The following AP3D1 variants were observed in gnomAD, a reference collection of about 807,000 sequenced individuals.
AP3D1 encodes AP-3 complex subunit delta-1.
In AP3D1, 51 loss-of-function variants were observed where a neutral mutation model predicts 147.6. That is an observed-to-expected ratio of 0.35 (90% CI 0.28 to 0.44). AP3D1 has a LOEUF of 0.44. Ranked by LOEUF, AP3D1 falls within the 20% of genes least tolerant of loss-of-function variation. The probability of loss-of-function intolerance (pLI) is 1.00; values close to 1 mark genes in which losing one functional copy is unlikely to be tolerated. For missense variants in AP3D1, 1,421 were observed against 1,624.2 expected, an observed-to-expected ratio of 0.87 and a Z score of 2.15; for synonymous variants, 760 against 663.0, an observed-to-expected ratio of 1.15 and a Z score of -2.25.
Position 2,114,466 on chromosome 19 carries a change from C to A in AP3D1, c.2424-164G>T, listed in dbSNP as rs11673600. The stretch of plus-strand genomic sequence containing the variant: ...TCTACTCAACACAGCCTGCTGGAGG[C>A]TCTCATGGGAGGGTCTGTGGTGGCC... On this transcript the variant is annotated intron_variant, in intron 21 of 31. Transcript: ENST00000643116. Among the ~76,000 whole-genome samples, 19,044 of 152,208 alleles carry A rather than the reference C, an allele frequency of 0.13. 1,317 individuals are homozygous for A. The highest frequency in any genetic ancestry group is 0.16 in the Non-Finnish European group (10,751 of 68,004).
intron 27 of AP3D1, among the ~76,000 whole-genome samples, 166 bp downstream of exon 27, chr19:2,110,541 C>CAG (rs1555700320): frequency 4.0e-5 from 6 of 149,638 alleles, no homozygotes; most frequent in Non-Finnish European, 7.4e-5. Context: ...TTGCGCTTCT[C>CAG]AGAGAGCTGT....
intron 9 of AP3D1, among the ~76,000 whole-genome samples, chr19:2,126,440 G>C (rs2018756906): frequency 6.6e-6 from 1 of 152,122 alleles, no homozygotes; most frequent in Non-Finnish European, 1.5e-5. Flanking sequence ...CGGATCAAGA[G>C]GTCAGGAGTT....
Position 2,121,286 on chromosome 19 carries a change from A to C in AP3D1, c.1127T>G (p.Ile376Ser). ...GMVSKKNLME[I>S]VKKLMTHVDK... ...TACGTGGGTCATCAGCTTCTTCACG[A>C]TCTCCATCAGGTTCTTCTTGGACAC... Residue 376 changes from isoleucine to serine, a missense_variant, in exon 13 of 32, where the codon ATC becomes AGC. Physicochemically the swap from Ile to Ser is moderately radical, Grantham distance 142. Transcript: ENST00000643116. 1.2e-6 allele frequency: 2 copies of C among 1,614,138 alleles called. No homozygotes were observed. The highest frequency in any genetic ancestry group is 1.7e-6 in the Non-Finnish European group (2 of 1,180,012).
rs749639756 is a variant in AP3D1 at position 2,115,435 on chromosome 19, G to A, written c.2150-17C>T. 71 of 1,608,060 alleles carry A rather than the reference G, an allele frequency of 4.4e-5. No individual in the cohort carries two copies. Among genetic ancestry groups the A allele is most frequent in the Non-Finnish European group, 5.4e-5 (64 of 1,179,550 alleles). ...TAGGCAGCCCTGCGGGCCGGCAGCG[G>A]GCAGCCACTCAGCACTGCACCCCAG... On this transcript the variant is annotated splice_polypyrimidine_tract_variant and intron_variant, in intron 19 of 31. Transcript: ENST00000643116.
chr19:2,156,257 T>C (rs2019644636), upstream of AP3D1, among the ~76,000 whole-genome samples: 1 of 152,052 alleles, frequency 6.6e-6, no homozygotes, highest in African/African-American at 2.4e-5. Flanking sequence ...TGGGGACATT[T>C]GTCATCAGTC....
chr19:2,115,682 G>C, intron 18 of AP3D1, 69 bp from the exon 19 acceptor site: 2 of 1,512,124 alleles, frequency 1.3e-6, no homozygotes, highest in Non-Finnish European at 1.8e-6. Context: ...AAGCCTCGGG[G>C]ATGCAGGGAG....
intron 14 of AP3D1, among the ~76,000 whole-genome samples, chr19:2,119,449 T>C (rs942644384): frequency 3.3e-5 from 5 of 151,362 alleles, no homozygotes; most frequent in African/African-American, 1.2e-4. Context: ...ATCCCAGCAC[T>C]TTGGGACGCC....
chr19:2,112,804 TG>T, intron 24 of AP3D1, 55 bp downstream of exon 24: 1 of 1,415,570 alleles, frequency 7.1e-7, no homozygotes. Context: ...GGCCCCACGT[TG>T]GGGTGCTGGG....
chr19:2,146,760 C>T (rs528289308), intron 1 of AP3D1, among the ~76,000 whole-genome samples: 1 of 152,142 alleles, frequency 6.6e-6, no homozygotes, highest in Non-Finnish European at 1.5e-5. Flanking sequence ...ACCTGGACAA[C>T]AGGGACGCAT....
At chr19:2,149,267 C>T (rs1228688494) in intron 1 of AP3D1, among the ~76,000 whole-genome samples, 1 of 152,182 alleles carries the variant, frequency 6.6e-6, no homozygotes, top group Non-Finnish European at 1.5e-5. Flanking sequence ...GTTTCCCAGC[C>T]GGGTGCAGTG....
At chr19:2,111,968 T>G (rs1170053439) in intron 24 of AP3D1, 140 bp from the exon 25 acceptor site, 33 of 1,369,150 alleles carry the variant, frequency 2.4e-5, no homozygotes, top group Middle Eastern at 2.5e-4. Context: ...CAGCCACGCC[T>G]CAGGCCTACC....
At chr19:2,106,563 A>T (rs556568055) in intron 31 of AP3D1, among the ~76,000 whole-genome samples, 11 of 152,248 alleles carry the variant, frequency 7.2e-5, no homozygotes, top group African/African-American at 1.7e-4. Context: ...AAAAAAATAA[A>T]AAAAAACAAA....
At chr19:2,141,676 A>G (rs977524558) in intron 1 of AP3D1, among the ~76,000 whole-genome samples, 1 of 151,732 alleles carries the variant, frequency 6.6e-6, no homozygotes, top group Non-Finnish European at 1.5e-5. Flanking sequence ...TCTTGACCTC[A>G]TGATCCACCT....
chr19:2,153,593 T>TG (rs1040658658), upstream of AP3D1, among the ~76,000 whole-genome samples: 10 of 149,654 alleles, frequency 6.7e-5, no homozygotes, highest in Admixed American at 6.7e-4. Flanking sequence ...GGAGAATGGC[T>TG]CCGCCCAGGG....
At chr19:2,103,929 A>G (rs2018029965) in intron 31 of AP3D1, among the ~76,000 whole-genome samples, 1 of 152,106 alleles carries the variant, frequency 6.6e-6, no homozygotes, top group Admixed American at 6.5e-5. Context: ...CATCACCCAG[A>G]TGCCAACACC....
chr19:2,134,850 C>T (rs2019038043), intron 4 of AP3D1, among the ~76,000 whole-genome samples: 1 of 151,960 alleles, frequency 6.6e-6, no homozygotes, highest in Admixed American at 6.6e-5. Context: ...ATCCACCCGC[C>T]TCAGCTTCCC....
intron 27 of AP3D1, 54 bp downstream of exon 27, chr19:2,110,653 T>C: frequency 1.3e-6 from 2 of 1,487,738 alleles, no homozygotes; most frequent in Non-Finnish European, 1.8e-6. Flanking sequence ...AGTCACCAGC[T>C]GCCACTGCGC....
At position 2,138,644 on chromosome 19, in the gene AP3D1, G is replaced by C. The variant is rs935169340; in HGVS notation, c.167C>G (p.Ala56Gly). 1.6e-5 allele frequency: 26 copies of C among 1,613,748 alleles called. No individual in the cohort carries two copies. The highest frequency in any genetic ancestry group is 1.9e-5 in the Non-Finnish European group (23 of 1,179,996). ...ELKQDNIAVK[A>G]NAVCKLTYLQ... Reference sequence around the variant, plus strand: ...ATACGTCAGCTTGCAGACCGCGTTCGCCTTCACCGCTATGTTGTCCTGCTT... The same window carrying C: ...ATACGTCAGCTTGCAGACCGCGTTCCCCTTCACCGCTATGTTGTCCTGCTT... Residue 56 changes from alanine (A) to glycine (G), a missense_variant, in exon 2 of 32, where the codon GCG becomes GGG. Ala to Gly is a moderately conservative substitution (Grantham distance 60, BLOSUM62 0). This residue lies in a region of AP3D1 where 292 missense variants were observed against 412.0 expected (regional missense o/e 0.71). Transcript: ENST00000643116.
At chr19:2,131,256 T>C (rs547380057) in intron 5 of AP3D1, among the ~76,000 whole-genome samples, 1 of 152,370 alleles carries the variant, frequency 6.6e-6, no homozygotes, top group East Asian at 1.9e-4. Context: ...TCAGCCACGA[T>C]CTAGACACCT....
Sources: allele counts gnomAD v4.1 joint callset (sites outside exome capture counted in the v4.1 genomes callset), GRCh38; gene constraint gnomAD v4.1.1; regional missense constraint gnomAD v4.1.1; transcripts MANE v1.5; gene names NCBI Gene and HGNC (gene_info 2026-07-23, HGNC 2026-07-21).